Variants in ARMC5 observed in about 807,000 individuals in gnomAD.
ARMC5 encodes the protein armadillo repeat-containing protein 5.
ARMC5 carries 28 observed loss-of-function variants against 60.5 expected under a neutral mutation model. The observed-to-expected ratio is 0.46, with a 90% CI of 0.34 to 0.63. The LOEUF is 0.63. ARMC5 is among the 30% of genes least tolerant of loss of function. The pLI, the probability that ARMC5 is intolerant of heterozygous loss-of-function variation, is 0.01. For missense variants in ARMC5, 1,189 were observed against 1,304.9 expected, an observed-to-expected ratio of 0.91 and a Z score of 1.37; for synonymous variants, 680 against 607.3, an observed-to-expected ratio of 1.12 and a Z score of -1.76.
At chr16:31,459,334 G>C, upstream of ARMC5, 1 of 1,535,288 alleles carries the variant, frequency 6.5e-7, no homozygotes, top group Non-Finnish European at 8.7e-7. Flanking sequence ...GATGCGCTGC[G>C]ATTAAGGTAC....
At chr16:31,463,006 CT>C (rs1379941885) in intron 3 of ARMC5, 89 bp downstream of exon 3, 8 of 1,292,314 alleles carry the variant, frequency 6.2e-6, no homozygotes, top group South Asian at 3.1e-5. Flanking sequence ...ACCTCCACCC[CT>C]ATTCTGTCTG....
Position 31,466,986 on chromosome 16 carries a change from A to G in ARMC5, c.*97A>G, listed in dbSNP as rs1396471377. 3 of 1,358,792 alleles carry G rather than the reference A, an allele frequency of 2.2e-6. No individual in the cohort carries two copies. The highest frequency in any genetic ancestry group is 1.7e-5 in the South Asian group (1 of 59,966). 84.2% of individuals were successfully genotyped at this position (1,358,792 alleles called of 1,614,324 possible). ...GGGAGGAGGCTGAGCAGAAGGAGTC[A>G]TCATGGAGGAGCGGTGAGAACATGG... On this transcript the variant is annotated 3_prime_UTR_variant, in exon 6 of 6. Transcript: ENST00000268314. The surrounding 1 kb of genome is among the most constrained non-coding windows in gnomAD (Gnocchi z 8.0).
intron 1 of ARMC5, among the ~76,000 whole-genome samples, chr16:31,461,345 C>G (rs1052851589): frequency 2.6e-5 from 4 of 152,168 alleles, no homozygotes; most frequent in Non-Finnish European, 4.4e-5. Flanking sequence ...AGTCCTGACC[C>G]CTTGGCCTGA....
In ARMC5 at chr16:31,464,476, C is replaced by G. The variant is rs755707312; in HGVS notation, c.1453C>G (p.Pro485Ala). The change falls in exon 4 of 6, where the codon CCC (proline) becomes GCC (alanine). Residue 485 changes from proline (P) to alanine (A), a missense_variant. By Grantham distance (27) the Pro-to-Ala change is conservative. Transcript: ENST00000268314. The surrounding 1 kb of genome is among the most constrained non-coding windows in gnomAD (Gnocchi z 7.6). ...GTCTCCTGAGCAGTGTCCGCCGGAG[C>G]CCATGGAGCCGGCCAGCCCCGCCCC... is the stretch of plus-strand genomic sequence containing the variant. ...DWSPEQCPPE[P>A]MEPASPAPTP... The G allele has an allele frequency of 4.4e-6, 7 of 1,606,350 alleles. No homozygotes were observed. The South Asian group carries it at 5.5e-5, about 13-fold the overall frequency.
Position 31,466,169 on chromosome 16 carries a change from C to T in ARMC5, c.2088C>T (p.Leu696=). Residue 696 remains leucine (L), a synonymous_variant, in exon 6 of 6, where the codon CTC becomes CTT. Transcript: ENST00000268314. The surrounding 1 kb of genome is among the most constrained non-coding windows in gnomAD (Gnocchi z 8.0). ...TGACCCGGCCGGCCCCACACCCGCT[C>T]TTCCTCTTCTTTGCCGCGGACTCCC... is the stretch of plus-strand genomic sequence containing the variant. ...AALTRPAPHP[L]FLFFAADSLS... 1 of 1,610,750 alleles carries T rather than the reference C, an allele frequency of 6.2e-7. No individual in the cohort carries two copies. The highest frequency in any genetic ancestry group is 8.5e-7 in the Non-Finnish European group (1 of 1,179,858).
Position 31,464,941 on chromosome 16 carries a change from C to T in ARMC5, c.1864+54C>T, listed in dbSNP as rs2082340050. On this transcript the variant is annotated intron_variant, in intron 4 of 5. Transcript: ENST00000268314. This position sits in a 1 kb window ranked among gnomAD's most constrained non-coding sequence, Gnocchi z 7.6. ...GCCCCCATGTGAGTCCCCATCCTCC[C>T]CCATGGCTTCCATGGGCCCAGAACC... The T allele has an allele frequency of 2.5e-6, 4 of 1,612,258 alleles. No homozygotes were observed. Among genetic ancestry groups the T allele is most frequent in the Non-Finnish European group, 3.4e-6 (4 of 1,179,344 alleles).
At position 31,466,042 on chromosome 16, in the gene ARMC5, G is replaced by C; in HGVS notation, c.1998-37G>C. 1 of 1,592,046 alleles carries C rather than the reference G, an allele frequency of 6.3e-7. No individual in the cohort carries two copies. The highest frequency in any genetic ancestry group is 8.5e-7 in the Non-Finnish European group (1 of 1,175,382). On this transcript the variant is annotated intron_variant, in intron 5 of 5. Transcript: ENST00000268314. The surrounding 1 kb of genome is among the most constrained non-coding windows in gnomAD (Gnocchi z 8.0). ...GAGGAGTGCTGTGTTTCCCAGGCCC[G>C]TTGCCCACCTTTTGAAAGGCCCTCT...
chr16:31,466,587 C>T lies in ARMC5; in HGVS notation c.2506C>T (p.Leu836=), dbSNP rs1247059997. 5 of 1,607,824 alleles carry T rather than the reference C, an allele frequency of 3.1e-6. No individual in the cohort carries two copies. The African/African-American group carries it at 6.7e-5, about 21-fold the overall frequency. The change falls in exon 6 of 6, where the codon CTG becomes TTG. Residue 836 remains leucine, a synonymous_variant. Coordinates refer to ENST00000268314, the MANE Select transcript of ARMC5 (RefSeq NM_001105247.2). The surrounding 1 kb of genome is among the most constrained non-coding windows in gnomAD (Gnocchi z 8.0). ...GCTGGGTTCAGAGGCCGAGGAGGCA[C>T]TGGAGGCTGCTGGCCGTTTCCTACT... ...PLLGSEAEEA[L]EAAGRFLLPG...
In ARMC5 at chr16:31,459,610, G is replaced by T; in HGVS notation, c.86G>T (p.Gly29Val). The stretch of plus-strand genomic sequence containing the variant: ...GCGGCGGCCGGGGAGGCTCTGGGTG[G>T]GGAAAAGGACCCAGCGACCAACGAG... ...LAAAAGEALG[G>V]EKDPATNETP... The change falls in exon 1 of 6, where the codon GGG (glycine) becomes GTG (valine). Residue 29 changes from glycine to valine, a missense_variant. Coordinates refer to ENST00000268314, the MANE Select transcript of ARMC5 (RefSeq NM_001105247.2). 6.3e-7 allele frequency: 1 copy of T among 1,598,416 alleles called. No homozygotes were observed. The highest frequency in any genetic ancestry group is 8.5e-7 in the Non-Finnish European group (1 of 1,178,426).
intron 1 of ARMC5, 152 bp from the exon 2 acceptor site, chr16:31,461,770 A>C: frequency 1.5e-6 from 1 of 661,686 alleles, no homozygotes; most frequent in East Asian, 2.8e-5. Flanking sequence ...GGTCCCCCAA[A>C]GTGCTAGGAT....
chr16:31,459,957 T>A lies in ARMC5; in HGVS notation c.433T>A (p.Cys145Ser). The stretch of plus-strand genomic sequence containing the variant: ...AGCCGATTGCTGTACGGAAGGGGCG[T>A]GCCGGACCGAAGTGCGCAGACTCGG... ...ILADCCTEGACRTEVRRLGGI... is the reference protein window; with the variant it reads ...ILADCCTEGASRTEVRRLGGI... The change falls in exon 1 of 6, where the codon TGC (cysteine) becomes AGC (serine). Residue 145 changes from cysteine to serine, a missense_variant. Physicochemically the swap from Cys to Ser is moderately radical, Grantham distance 112. Transcript: ENST00000268314. 1.2e-6 allele frequency: 2 copies of A among 1,602,576 alleles called. No individual in the cohort carries two copies. The highest frequency in any genetic ancestry group is 1.7e-6 in the Non-Finnish European group (2 of 1,179,450).
In ARMC5 at chr16:31,464,919, C is replaced by A; in HGVS notation, c.1864+32C>A. 1 of 1,611,154 alleles carries A rather than the reference C, an allele frequency of 6.2e-7. No homozygotes were observed. Among genetic ancestry groups the A allele is most frequent in the Non-Finnish European group, 8.5e-7 (1 of 1,179,676 alleles). ...TCCCATACCCACCCGTCTCCTTGCCCCCATGTGAGTCCCCATCCTCCCCCA... is the reference window on the plus strand; with the variant it reads ...TCCCATACCCACCCGTCTCCTTGCCACCATGTGAGTCCCCATCCTCCCCCA... On this transcript the variant is annotated intron_variant, in intron 4 of 5. Coordinates refer to ENST00000268314, the MANE Select transcript of ARMC5 (RefSeq NM_001105247.2). The surrounding 1 kb of genome is among the most constrained non-coding windows in gnomAD (Gnocchi z 7.6).
rs550452188 is a variant in ARMC5 at position 31,459,714 on chromosome 16, C to T, written c.190C>T (p.Arg64Cys). The part of the protein sequence containing the change: ...AAGGIERFRA[R>C]GGLRPLLALL... ...GGGGGGAATCGAGCGCTTCCGGGCA[C>T]GCGGCGGGCTCCGCCCCCTACTCGC... Residue 64 changes from arginine (R) to cysteine (C), a missense_variant, in exon 1 of 6, where the codon CGC becomes TGC. Coordinates refer to ENST00000268314, the MANE Select transcript of ARMC5 (RefSeq NM_001105247.2). 3.8e-5 allele frequency: 59 copies of T among 1,560,618 alleles called. 1 individual carries two copies. The South Asian group carries it at 6.4e-4, about 17-fold the overall frequency.
Position 31,462,847 on chromosome 16 carries a change from G to A in ARMC5, c.1300G>A (p.Ala434Thr), listed in dbSNP as rs1460633730. 1 of 1,613,824 alleles carries A rather than the reference G, an allele frequency of 6.2e-7. No individual in the cohort carries two copies. The highest frequency in any genetic ancestry group is 1.3e-5 in the African/African-American group (1 of 74,904). Residue 434 changes from alanine to threonine, a missense_variant, in exon 3 of 6, where the codon GCT becomes ACT. Transcript: ENST00000268314. This position sits in a 1 kb window ranked among gnomAD's most constrained non-coding sequence, Gnocchi z 7.2. The part of the protein sequence containing the change: ...AGEEEEEGRE[A>T]ASWDFPEERT... ...TGAGGAGGAAGAAGAGGGAAGAGAAGCTGCTTCCTGGGACTTTCCTGAGGA... is the reference window on the plus strand; with the variant it reads ...TGAGGAGGAAGAAGAGGGAAGAGAAACTGCTTCCTGGGACTTTCCTGAGGA...
rs1002860403 is a variant in ARMC5, at chr16:31,464,550, C to T, written c.1527C>T (p.Arg509=). Residue 509 remains arginine (R), a synonymous_variant, in exon 4 of 6, where the codon CGC becomes CGT. Coordinates refer to ENST00000268314, the MANE Select transcript of ARMC5 (RefSeq NM_001105247.2). This position sits in a 1 kb window ranked among gnomAD's most constrained non-coding sequence, Gnocchi z 7.6. The part of the protein sequence containing the change: ...RAPRTQRTPG[R]SPAAAIEEPW... ...CACGCACCCAACGCACTCCGGGCCG[C>T]AGCCCCGCCGCCGCCATCGAGGAGC... 2 of 1,585,680 alleles carry T rather than the reference C, an allele frequency of 1.3e-6. No individual in the cohort carries two copies. Among genetic ancestry groups the T allele is most frequent in the Admixed American group, 3.6e-5 (2 of 56,228 alleles).
In ARMC5 at chr16:31,459,838, C is replaced by T. The variant is rs1242766832; in HGVS notation, c.314C>T (p.Pro105Leu). The change falls in exon 1 of 6, where the codon CCC becomes CTC. Residue 105 changes from proline (P) to leucine (L), a missense_variant. Pro to Leu is a moderately conservative substitution (Grantham distance 98). Around this residue, in one of 2 missense-constraint regions of ARMC5, gnomAD observed 327 missense variants for 233.7 expected, o/e 1.40. Transcript: ENST00000268314. ...SAASGASSPA[P>L]ASGPAPSAVS... ...GCGTCGGGAGCTTCTAGCCCCGCCCCCGCGTCGGGCCCCGCCCCCTCCGCT... is the reference window on the plus strand; with the variant it reads ...GCGTCGGGAGCTTCTAGCCCCGCCCTCGCGTCGGGCCCCGCCCCCTCCGCT... 1.3e-6 allele frequency: 2 copies of T among 1,571,934 alleles called. No individual in the cohort carries two copies. The highest frequency in any genetic ancestry group is 1.7e-6 in the Non-Finnish European group (2 of 1,165,250).
At position 31,462,765 on chromosome 16, in the gene ARMC5, G is replaced by A. The variant is rs771536241; in HGVS notation, c.1218G>A (p.Arg406=). The A allele has an allele frequency of 4.3e-6, 7 of 1,613,858 alleles. No homozygotes were observed. In the South Asian group the frequency reaches 5.5e-5, roughly 13 times the overall value. ...GFLYDTGALG[R]LQALGLVPLL... ...TGTATGACACTGGGGCCCTGGGCCG[G>A]CTGCAGGCTCTGGGACTTGTGCCTC... Residue 406 remains arginine (R), a synonymous_variant, in exon 3 of 6, where the codon CGG becomes CGA. Transcript: ENST00000268314. This position sits in a 1 kb window ranked among gnomAD's most constrained non-coding sequence, Gnocchi z 7.2.
At chr16:31,463,732 A>C (rs1596604077) in intron 3 of ARMC5, among the ~76,000 whole-genome samples, 1 of 151,378 alleles carries the variant, frequency 6.6e-6, no homozygotes, top group South Asian at 2.1e-4. Context: ...TTTCCTTTTT[A>C]TTTTCTCCAT....
chr16:31,463,346 G>A (rs1223560489), intron 3 of ARMC5, among the ~76,000 whole-genome samples: 4 of 152,232 alleles, frequency 2.6e-5, no homozygotes, highest in Middle Eastern at 3.4e-3. Context: ...TGATCCACCC[G>A]CCTCAGCCTC....
Sources: gnomAD v4.1 joint callset for allele counts (sites outside exome capture counted in the v4.1 genomes callset) on GRCh38, gnomAD v4.1.1 for gene constraint, gnomAD v4.1.1 regional missense constraint, Gnocchi (gnomAD v3.1) non-coding constraint, MANE v1.5 for transcripts, NCBI Gene and HGNC (gene_info 2026-07-23, HGNC 2026-07-21) for gene names.